The following RAB10 variants were observed in gnomAD, a reference collection of about 807,000 sequenced individuals.
RAB10 encodes ras-related protein Rab-10.
In RAB10, 5 loss-of-function variants were observed where a neutral mutation model predicts 25.7. The observed-to-expected ratio is 0.19, with a 90% CI of 0.10 to 0.41. RAB10 has a LOEUF of 0.41. Among genes scored for constraint, RAB10 ranks in the 10% least tolerant of loss-of-function variants. The pLI is 1.00. For synonymous variants in RAB10, 89 were observed against 86.4 expected, an observed-to-expected ratio of 1.03 and a Z score of -0.16; for missense variants, 103 against 245.8, an observed-to-expected ratio of 0.42 and a Z score of 3.89.
At chr2:26,103,956 G>GAT (rs1667413417) in intron 2 of RAB10, among the ~76,000 whole-genome samples, 1 of 151,962 alleles carries the variant, frequency 6.6e-6, no homozygotes, top group African/African-American at 2.4e-5. Context: ...CCATTGTATG[G>GAT]ATATACCACA....
At chr2:26,105,137 G>GC (rs1553728562) in intron 2 of RAB10, among the ~76,000 whole-genome samples, 12 of 152,020 alleles carry the variant, frequency 7.9e-5, no homozygotes, top group African/African-American at 2.7e-4. Context: ...TGGAAAGCCT[G>GC]TTTTTTTTCC....
At chr2:26,071,580 T>C (rs1312460278) in intron 1 of RAB10, among the ~76,000 whole-genome samples, 1 of 151,812 alleles carries the variant, frequency 6.6e-6, no homozygotes, top group Non-Finnish European at 1.5e-5. Context: ...CCCAGCTACT[T>C]GGGAGACTGA....
chr2:26,134,724 A>T (rs140072083), intron 5 of RAB10, among the ~76,000 whole-genome samples: 1 of 152,380 alleles, frequency 6.6e-6, no homozygotes, highest in African/African-American at 2.4e-5. Flanking sequence ...ATGCCAGGAA[A>T]TGTCTACAAT....
In RAB10 at chr2:26,034,357, C is replaced by T. The variant is rs1408634959; in HGVS notation, c.-252C>T. ...GGGAGGGGAGGCCATTTTGTCCCGA[C>T]CGACTCCCCGGAACCGGGCGGACGG... On this transcript the variant is annotated 5_prime_UTR_variant, in exon 1 of 6. Coordinates refer to ENST00000264710, the MANE Select transcript of RAB10 (RefSeq NM_016131.5). 3.4e-6 allele frequency: 2 copies of T among 584,176 alleles called. No individual in the cohort carries two copies. Among genetic ancestry groups the T allele is most frequent in the African/African-American group, 1.9e-5 (1 of 53,698 alleles). 36.2% of individuals were successfully genotyped at this position (584,176 alleles called of 1,614,324 possible).
intron 1 of RAB10, among the ~76,000 whole-genome samples, chr2:26,058,369 A>G (rs1308624658): frequency 6.6e-6 from 1 of 152,268 alleles, no homozygotes; most frequent in East Asian, 1.9e-4. Flanking sequence ...AGTGGCTTTC[A>G]ATCTCAGAAA....
At chr2:26,051,011 C>T (rs150590653) in intron 1 of RAB10, among the ~76,000 whole-genome samples, 2,180 of 152,050 alleles carry the variant, frequency 0.014, 49 homozygotes, top group African/African-American at 0.048. Flanking sequence ...CTCAACCTCC[C>T]GGGCTCAAGA....
intron 1 of RAB10, among the ~76,000 whole-genome samples, chr2:26,084,025 A>G (rs1666925017): frequency 6.6e-6 from 1 of 152,248 alleles, no homozygotes; most frequent in South Asian, 2.1e-4. Context: ...TTCATGGATT[A>G]GAAGGCTCAC....
At chr2:26,132,012 A>C (rs1668021966) in intron 5 of RAB10, among the ~76,000 whole-genome samples, 2 of 152,224 alleles carry the variant, frequency 1.3e-5, no homozygotes, top group Non-Finnish European at 2.9e-5. Context: ...TTTGAAGGAC[A>C]GATTCTGAGA....
rs1230627488 is a variant in RAB10, at chr2:26,041,543, C to CAAAAA, written c.127+6827_127+6831dup. On this transcript the variant is annotated intron_variant, in intron 1 of 5. Transcript: ENST00000264710. ...GGGTGACAAGAGTGAGACGCTGACT[C>CAAAAA]AAAAAAAAAAAAAAAAAAAAAAAGA... is the stretch of plus-strand genomic sequence containing the variant. Among the ~76,000 whole-genome samples, 193 of 44,608 alleles carry CAAAAA rather than the reference C, an allele frequency of 4.3e-3. 7 individuals carry two copies. The highest frequency in any genetic ancestry group is 0.015 in the African/African-American group (180 of 11,802). 29.3% of individuals were successfully genotyped at this position (44,608 alleles called of 152,430 possible).
chr2:26,088,326 A>C (rs1667029871), intron 1 of RAB10, among the ~76,000 whole-genome samples: 1 of 152,214 alleles, frequency 6.6e-6, no homozygotes, highest in Non-Finnish European at 1.5e-5. Context: ...CTAAAAATTG[A>C]AATACTCTTG....
At chr2:26,126,987 G>T (rs997173989) in intron 3 of RAB10, among the ~76,000 whole-genome samples, 157 bp from the exon 4 acceptor site, 3 of 152,204 alleles carry the variant, frequency 2.0e-5, no homozygotes, top group Admixed American at 6.5e-5. Flanking sequence ...CTAAGAATTT[G>T]TGTAGGCTTT....
chr2:26,037,553 C>T (rs892348948), intron 1 of RAB10, among the ~76,000 whole-genome samples: 1 of 151,960 alleles, frequency 6.6e-6, no homozygotes, highest in Admixed American at 6.6e-5. Flanking sequence ...GCAGGAGAAT[C>T]GCTTGAACCC....
At chr2:26,072,909 T>C (rs990239694) in intron 1 of RAB10, among the ~76,000 whole-genome samples, 3 of 152,246 alleles carry the variant, frequency 2.0e-5, no homozygotes, top group Non-Finnish European at 2.9e-5. Context: ...ATTTGTAATA[T>C]GGTAAATATG....
chr2:26,079,324 AACACACACACACACACAC>A, intron 1 of RAB10, among the ~76,000 whole-genome samples: 1 of 92,652 alleles, frequency 1.1e-5, no homozygotes. Context: ...CACACACACA[AACACACACACACACACAC>A]ACACACACAC....
rs1020971586 is a variant in RAB10 at position 26,095,742 on chromosome 2, T to C, written c.128-2920T>C. ...GCCTGGGCAACATATTGGGACGTCG[T>C]TTCTACAAATAATACAAGAATTAGC... On this transcript the variant is annotated intron_variant, in intron 1 of 5. Coordinates refer to ENST00000264710, the MANE Select transcript of RAB10 (RefSeq NM_016131.5). 4.0e-5 allele frequency among the ~76,000 whole-genome samples: 6 copies of C among 151,894 alleles called. No homozygotes were observed. In the East Asian group the frequency reaches 1.2e-3, roughly 29 times the overall value.
intron 1 of RAB10, among the ~76,000 whole-genome samples, chr2:26,072,564 T>C (rs1574538115): frequency 2.0e-5 from 3 of 152,256 alleles, no homozygotes. Flanking sequence ...AAAAAGAAAT[T>C]ACTTGCTGAG....
At chr2:26,039,279 C>G (rs1403777843) in intron 1 of RAB10, among the ~76,000 whole-genome samples, 4 of 151,714 alleles carry the variant, frequency 2.6e-5, no homozygotes, top group African/African-American at 9.7e-5. Flanking sequence ...CCTTGGCCTC[C>G]CAAAATCCTG....
chr2:26,059,107 T>G (rs538586364), intron 1 of RAB10, among the ~76,000 whole-genome samples: 2 of 152,340 alleles, frequency 1.3e-5, no homozygotes, highest in East Asian at 3.9e-4. Flanking sequence ...TAAATACAGT[T>G]CCTTGTATAT....
chr2:26,095,556 G>C lies in RAB10; in HGVS notation c.128-3106G>C, dbSNP rs150254498. ...CGGGAGGCGGAGCTTACAGTGAACT[G>C]AGATAGCGCAATTGCACTCCAGCCT... On this transcript the variant is annotated intron_variant, in intron 1 of 5. Coordinates refer to ENST00000264710, the MANE Select transcript of RAB10 (RefSeq NM_016131.5). Among the ~76,000 whole-genome samples the C allele has an allele frequency of 3.0e-3, 451 of 151,894 alleles. 3 individuals are homozygous for C. Among genetic ancestry groups the C allele is most frequent in the African/African-American group, 0.01 (430 of 41,390 alleles).
Sources: gnomAD v4.1 joint callset for allele counts (sites outside exome capture counted in the v4.1 genomes callset) on GRCh38, gnomAD v4.1.1 for gene constraint, MANE v1.5 for transcripts, NCBI Gene and HGNC (gene_info 2026-07-23, HGNC 2026-07-21) for gene names.